Variants in DLGAP2 observed in about 807,000 individuals in gnomAD.
The protein encoded by DLGAP2 is disks large-associated protein 2.
DLGAP2 carries 26 observed loss-of-function variants against 100.3 expected under a neutral mutation model. The observed-to-expected ratio is 0.26, with a 90% CI of 0.19 to 0.36. DLGAP2 has a LOEUF of 0.36. Among genes scored for constraint, DLGAP2 ranks in the 10% least tolerant of loss-of-function variants. The pLI, the probability that DLGAP2 is intolerant of heterozygous loss-of-function variation, is 1.00. For synonymous variants in DLGAP2, 886 were observed against 630.1 expected, an observed-to-expected ratio of 1.41 and a Z score of -6.08; for missense variants, 1,858 against 1,453.2, an observed-to-expected ratio of 1.28 and a Z score of -4.53.
At chr8:1,053,722 A>G (rs1394057775) in intron 2 of DLGAP2, among the ~76,000 whole-genome samples, 1 of 152,208 alleles carries the variant, frequency 6.6e-6, no homozygotes, top group African/African-American at 2.4e-5. Flanking sequence ...GAATGTTGCC[A>G]TAACAACCAA....
At chr8:1,514,330 C>CCTGGGT (rs1374612491) in intron 4 of DLGAP2, among the ~76,000 whole-genome samples, 2 of 152,262 alleles carry the variant, frequency 1.3e-5, no homozygotes, top group African/African-American at 2.4e-5. Context: ...TAACCCCCAA[C>CCTGGGT]AGCCCAGGTG....
chr8:1,256,598 G>A (rs1799226492), intron 2 of DLGAP2, among the ~76,000 whole-genome samples: 1 of 152,026 alleles, frequency 6.6e-6, no homozygotes, highest in South Asian at 2.1e-4. Flanking sequence ...CTCCTGCCCG[G>A]GTGCTGTGTG....
intron 1 of DLGAP2, among the ~76,000 whole-genome samples, chr8:801,770 C>G (rs1365684291): frequency 6.6e-6 from 1 of 152,168 alleles, no homozygotes; most frequent in Non-Finnish European, 1.5e-5. Context: ...TCACAATAGG[C>G]TGTTTCTCTC....
intron 1 of DLGAP2, among the ~76,000 whole-genome samples, chr8:828,204 A>G (rs1563052777): frequency 1.3e-5 from 2 of 152,324 alleles, no homozygotes; most frequent in East Asian, 1.9e-4. Context: ...TTTGAGATCA[A>G]CCAGTCTGAC....
chr8:1,242,278 T>A (rs2116861319), intron 2 of DLGAP2, among the ~76,000 whole-genome samples: 1 of 152,210 alleles, frequency 6.6e-6, no homozygotes, highest in Admixed American at 6.5e-5. Flanking sequence ...GGGTTGGTTG[T>A]CAGACATATG....
At chr8:895,595 A>T (rs543502702) in intron 1 of DLGAP2, among the ~76,000 whole-genome samples, 4 of 152,162 alleles carry the variant, frequency 2.6e-5, no homozygotes, top group Admixed American at 6.5e-5. Flanking sequence ...TTAACGATGA[A>T]ATGTTTGGGG....
In DLGAP2 at chr8:841,596, G is replaced by C. The variant is rs187813976; in HGVS notation, c.19-66316G>C. Among the ~76,000 whole-genome samples, 451 of 152,040 alleles carry C rather than the reference G, an allele frequency of 3.0e-3. 3 individuals are homozygous for C. Among genetic ancestry groups the C allele is most frequent in the African/African-American group, 0.01 (435 of 41,494 alleles). On this transcript the variant is annotated intron_variant, in intron 1 of 14. Transcript: ENST00000637795. ...ACATGTGATTTTTTTTTTGAGATGA[G>C]GTCTTGCTATATTGCCCAGGGTGGA...
intron 5 of DLGAP2, among the ~76,000 whole-genome samples, chr8:1,558,377 G>A (rs761499981): frequency 6.6e-6 from 1 of 152,204 alleles, no homozygotes; most frequent in Non-Finnish European, 1.5e-5. Flanking sequence ...AGAGAGTGAG[G>A]CCACACCGCA....
intron 2 of DLGAP2, among the ~76,000 whole-genome samples, chr8:1,142,991 AT>A (rs1796547424): frequency 6.6e-6 from 1 of 152,058 alleles, no homozygotes; most frequent in Non-Finnish European, 1.5e-5. Context: ...GATAGAGGCC[AT>A]TTTTCCTGAG....
At chr8:1,548,461 A>G (rs1451018742) in intron 4 of DLGAP2, among the ~76,000 whole-genome samples, 165 bp from the exon 5 acceptor site, 1 of 124,848 alleles carries the variant, frequency 8.0e-6, no homozygotes, top group African/African-American at 3.3e-5. Context: ...TGTCTCAGAA[A>G]AAAAAAAAAA....
chr8:1,026,710 T>A lies in DLGAP2; in HGVS notation c.73+118744T>A, dbSNP rs1482128402. ...AAATATTGAAAACTGAAATTAAACATATGGAATACTGCACATGGCTCAGGT... is the reference window on the plus strand; with the variant it reads ...AAATATTGAAAACTGAAATTAAACAAATGGAATACTGCACATGGCTCAGGT... On this transcript the variant is annotated intron_variant, in intron 2 of 14. Coordinates refer to ENST00000637795, the MANE Select transcript of DLGAP2 (RefSeq NM_001346810.2). 2.0e-5 allele frequency among the ~76,000 whole-genome samples: 3 copies of A among 152,352 alleles called. 1 individual carries two copies. In the East Asian group the frequency reaches 5.8e-4, roughly 29 times the overall value.
intron 3 of DLGAP2, among the ~76,000 whole-genome samples, chr8:1,270,666 C>G (rs1799563105): frequency 6.6e-6 from 1 of 151,168 alleles, no homozygotes; most frequent in Admixed American, 6.6e-5. Flanking sequence ...TTGTGTGTCT[C>G]TGTGTGTGTC....
intron 2 of DLGAP2, among the ~76,000 whole-genome samples, chr8:1,077,865 C>A (rs1381879503): frequency 6.6e-6 from 1 of 152,158 alleles, no homozygotes; most frequent in East Asian, 1.9e-4. Flanking sequence ...GAGCTCACAG[C>A]TGTCTCAGCA....
chr8:1,509,598 G>T (rs1042538889), intron 4 of DLGAP2, among the ~76,000 whole-genome samples: 11 of 152,082 alleles, frequency 7.2e-5, no homozygotes, highest in African/African-American at 2.7e-4. Context: ...AGTGCGTGTC[G>T]TGGGTTCTCA....
At chr8:1,656,535 A>G (rs1798289435) in intron 8 of DLGAP2, among the ~76,000 whole-genome samples, 1 of 152,114 alleles carries the variant, frequency 6.6e-6, no homozygotes, top group African/African-American at 2.4e-5. Flanking sequence ...GACTCCAGAT[A>G]TTTGGGCAAT....
chr8:1,430,856 G>A (rs184942535), intron 3 of DLGAP2, among the ~76,000 whole-genome samples: 6 of 152,282 alleles, frequency 3.9e-5, no homozygotes, highest in Admixed American at 1.3e-4. Flanking sequence ...GCACGGCAGC[G>A]TCTTTGATAT....
intron 2 of DLGAP2, among the ~76,000 whole-genome samples, chr8:1,163,418 G>A (rs1349859494): frequency 2.0e-5 from 3 of 152,204 alleles, no homozygotes; most frequent in African/African-American, 7.2e-5. Context: ...GCTGGGCGAG[G>A]GGAGGCCTGT....
intron 6 of DLGAP2, among the ~76,000 whole-genome samples, chr8:1,586,593 T>A (rs1796128032): frequency 6.6e-6 from 1 of 152,186 alleles, no homozygotes; most frequent in African/African-American, 2.4e-5. Context: ...GCCCGCTTGA[T>A]GTGTAGCGTA....
chr8:1,313,434 C>T (rs1178633284), intron 3 of DLGAP2, among the ~76,000 whole-genome samples: 1 of 152,178 alleles, frequency 6.6e-6, no homozygotes, highest in Admixed American at 6.5e-5. Context: ...TTCAGCTATG[C>T]TCTCACCTAT....
Sources: allele counts gnomAD v4.1 joint callset (sites outside exome capture counted in the v4.1 genomes callset), GRCh38; gene constraint gnomAD v4.1.1; transcripts MANE v1.5; gene names NCBI Gene and HGNC (gene_info 2026-07-23, HGNC 2026-07-21).